The following WWC2 variants were observed in gnomAD, a reference collection of about 807,000 sequenced individuals.
The protein encoded by WWC2 is protein WWC2.
A neutral mutation model predicts 138.5 loss-of-function variants in WWC2; 101 were observed. The ratio of observed to expected loss-of-function variants is 0.73; its 90% CI spans 0.62 to 0.86. The LOEUF (loss-of-function observed/expected upper bound fraction) is 0.86. Among genes scored for constraint, WWC2 ranks in the 40% least tolerant of loss-of-function variants. The pLI is 0.00. For missense variants in WWC2, 1,420 were observed against 1,419.4 expected (o/e 1.00, Z -0.01); for synonymous variants, 558 against 538.4 (o/e 1.04, Z -0.50).
intron 9 of WWC2, among the ~76,000 whole-genome samples, chr4:183,255,959 T>C (rs981837369): frequency 6.5e-4 from 98 of 151,894 alleles, no homozygotes; most frequent in African/African-American, 2.3e-3. Flanking sequence ...CTATAAGATA[T>C]TTATTTTAAA....
chr4:183,315,806 GT>G lies in WWC2; in HGVS notation c.*81del. 1 of 1,269,952 alleles carries G rather than the reference GT, an allele frequency of 7.9e-7. No individual in the cohort carries two copies. The highest frequency in any genetic ancestry group is 1.1e-6 in the Non-Finnish European group (1 of 922,760). The allele number at this position is 1,269,952 out of a possible 1,614,324, so 78.7% of individuals were successfully genotyped here. A position where few individuals can be genotyped will look rare whatever the true frequency, so the allele number is the denominator to read the frequency against. The stretch of plus-strand genomic sequence containing the variant: ...TAAAAGACTGAAGATTTGTGTTTTT[GT>G]TTTGGTGTTTGGTTTTTTTTGGTAA... On this transcript the variant is annotated 3_prime_UTR_variant, in exon 23 of 23. Coordinates refer to ENST00000403733, the MANE Select transcript of WWC2 (RefSeq NM_024949.6).
chr4:183,236,862 A>G (rs867306497), intron 4 of WWC2, among the ~76,000 whole-genome samples: 2 of 152,136 alleles, frequency 1.3e-5, no homozygotes, highest in Non-Finnish European at 2.9e-5. Context: ...ACATTTTAAT[A>G]ATATTGATTC....
intron 11 of WWC2, 107 bp downstream of exon 11, chr4:183,261,639 T>C (rs1400895997): frequency 2.3e-6 from 3 of 1,294,040 alleles, no homozygotes; most frequent in Non-Finnish European, 3.1e-6. Flanking sequence ...CCCTTCTCTT[T>C]CTTTTGAGTA....
Position 183,280,282 on chromosome 4 carries a change from A to G in WWC2, c.2563-494A>G, listed in dbSNP as rs1738026724. Among the ~76,000 whole-genome samples, 3 of 116,822 alleles carry G rather than the reference A, an allele frequency of 2.6e-5. No individual in the cohort carries two copies. In the South Asian group the frequency reaches 8.4e-4, roughly 33 times the overall value. The allele number at this position is 116,822 out of a possible 152,430, so 76.6% of individuals were successfully genotyped here. A position where few individuals can be genotyped will look rare whatever the true frequency, so the allele number is the denominator to read the frequency against. On this transcript the variant is annotated intron_variant, in intron 16 of 22. Transcript: ENST00000403733. Reference sequence around the variant, plus strand: ...TTTGTTTCTCAGCTTCTTGCTCTGCATATAGGCAGCTTAGGAATGGCAAAT... The same window carrying G: ...TTTGTTTCTCAGCTTCTTGCTCTGCGTATAGGCAGCTTAGGAATGGCAAAT...
Position 183,261,535 on chromosome 4 carries a change from A to G in WWC2, c.1909+3A>G. The G allele has an allele frequency of 6.2e-7, 1 of 1,608,798 alleles. No homozygotes were observed. Among genetic ancestry groups the G allele is most frequent in the South Asian group, 1.1e-5 (1 of 89,854 alleles). ...GCCATTATATGAAGGAACTGCAGGT[A>G]AATGCAGCCCTTTGCTTTCATGTAT... On this transcript the variant is annotated splice_donor_region_variant and intron_variant, in intron 11 of 22. Coordinates refer to ENST00000403733, the MANE Select transcript of WWC2 (RefSeq NM_024949.6).
intron 16 of WWC2, 99 bp downstream of exon 16, chr4:183,271,340 C>A (rs1737689612): frequency 2.1e-6 from 2 of 971,130 alleles, no homozygotes; most frequent in South Asian, 3.3e-5. Context: ...ACGAGACCAA[C>A]ATGCTTTTAT....
chr4:183,197,019 T>G (rs1322701092), intron 2 of WWC2, among the ~76,000 whole-genome samples: 1 of 152,222 alleles, frequency 6.6e-6, no homozygotes, highest in Non-Finnish European at 1.5e-5. Context: ...TCTTTTATGT[T>G]TTCATCGCTG....
chr4:183,280,185 G>A (rs1400870433), intron 16 of WWC2, among the ~76,000 whole-genome samples: 1 of 147,880 alleles, frequency 6.8e-6, no homozygotes, highest in Non-Finnish European at 1.5e-5. Context: ...AGACTGAATG[G>A]GACAATGGAA....
At chr4:183,220,406 T>C (rs896570152) in intron 4 of WWC2, among the ~76,000 whole-genome samples, 2 of 152,126 alleles carry the variant, frequency 1.3e-5, no homozygotes, top group African/African-American at 4.8e-5. Flanking sequence ...GCTCTTTTTT[T>C]CTACTTTTCT....
intron 1 of WWC2, among the ~76,000 whole-genome samples, chr4:183,183,087 A>G (rs530708212): frequency 2.0e-5 from 3 of 152,368 alleles, no homozygotes; most frequent in East Asian, 3.9e-4. Context: ...CTTAGGTGGC[A>G]GCTGATCCCT....
intron 1 of WWC2, among the ~76,000 whole-genome samples, chr4:183,154,997 T>C (rs948788837): frequency 2.0e-5 from 3 of 152,128 alleles, no homozygotes; most frequent in Non-Finnish European, 4.4e-5. Flanking sequence ...CATTGTATTA[T>C]AGAATAAGCA....
At chr4:183,294,662 GAGACT>G (rs1394121507) in intron 21 of WWC2, among the ~76,000 whole-genome samples, 2 of 152,228 alleles carry the variant, frequency 1.3e-5, no homozygotes, top group Non-Finnish European at 2.9e-5. Flanking sequence ...TAAAGTGAGA[GAGACT>G]TTGGCAGATC....
rs551721564 is a variant in WWC2 at position 183,113,335 on chromosome 4, A to G, written c.131+13713A>G. ...GAAGTATTAGGTTGGTGCAAAAGTA[A>G]TTGCTTTCAATGCAAAAACCACAAT... On this transcript the variant is annotated intron_variant, in intron 1 of 22. Coordinates refer to ENST00000403733, the MANE Select transcript of WWC2 (RefSeq NM_024949.6). Among the ~76,000 whole-genome samples, 13 of 151,914 alleles carry G rather than the reference A, an allele frequency of 8.6e-5. No homozygotes were observed. The South Asian group carries it at 2.7e-3, about 32-fold the overall frequency.
chr4:183,106,907 A>G (rs1376324372), intron 1 of WWC2, among the ~76,000 whole-genome samples: 1 of 152,080 alleles, frequency 6.6e-6, no homozygotes, highest in African/African-American at 2.4e-5. Flanking sequence ...TTTTGTATGA[A>G]TGTGTGTCTT....
intron 1 of WWC2, among the ~76,000 whole-genome samples, chr4:183,120,655 T>C (rs560980836): frequency 1.6e-4 from 25 of 152,322 alleles, no homozygotes; most frequent in African/African-American, 5.3e-4. Context: ...AATCATGATA[T>C]TCCCTAAATT....
rs978672087 is a variant in WWC2, at chr4:183,099,426, C to T, written c.-66C>T. On this transcript the variant is annotated 5_prime_UTR_variant, in exon 1 of 23. Transcript: ENST00000403733. ...CGGGTTGGCAGCCTAGCCCGGCAGC[C>T]GCGTTCCCGCCGCGTCCCGCGCCCG... 1.7e-5 allele frequency: 20 copies of T among 1,190,604 alleles called. No individual in the cohort carries two copies. The African/African-American group carries it at 2.9e-4, about 17-fold the overall frequency. 73.8% of individuals were successfully genotyped at this position (1,190,604 alleles called of 1,614,324 possible).
chr4:183,149,231 T>C (rs993531648), intron 1 of WWC2, among the ~76,000 whole-genome samples: 3 of 152,166 alleles, frequency 2.0e-5, no homozygotes, highest in South Asian at 2.1e-4. Flanking sequence ...TAAAAGTAAT[T>C]ATCCTGACCT....
At chr4:183,212,683 A>G (rs1020904844) in intron 4 of WWC2, among the ~76,000 whole-genome samples, 1 of 152,200 alleles carries the variant, frequency 6.6e-6, no homozygotes, top group African/African-American at 2.4e-5. Flanking sequence ...GAAATATGCA[A>G]ACTGAGGGAG....
Position 183,250,003 on chromosome 4 carries a change from G to T in WWC2, c.953+10G>T, listed in dbSNP as rs1357462188. 3.1e-6 allele frequency: 5 copies of T among 1,612,336 alleles called. No individual in the cohort carries two copies. The highest frequency in any genetic ancestry group is 4.2e-6 in the Non-Finnish European group (5 of 1,178,728). ...AAGAAGCCAAAAGAAGGTAATGACA[G>T]AGAAGCTGTTTTGTGCATGGCTCAA... On this transcript the variant is annotated intron_variant, in intron 8 of 22. Coordinates refer to ENST00000403733, the MANE Select transcript of WWC2 (RefSeq NM_024949.6).
Sources: gnomAD v4.1 joint callset for allele counts (sites outside exome capture counted in the v4.1 genomes callset) on GRCh38, gnomAD v4.1.1 for gene constraint, MANE v1.5 for transcripts, NCBI Gene and HGNC (gene_info 2026-07-23, HGNC 2026-07-21) for gene names.